The following SAMD9L variants were observed in gnomAD, a reference collection of about 807,000 sequenced individuals.
SAMD9L encodes sterile alpha motif domain-containing protein 9-like.
A neutral mutation model predicts 90.7 loss-of-function variants in SAMD9L; 68 were observed. The ratio of observed to expected loss-of-function variants is 0.75; its 90% CI spans 0.62 to 0.92. The LOEUF (loss-of-function observed/expected upper bound fraction) is 0.92. Ranked by LOEUF, SAMD9L falls within the 40% of genes least tolerant of loss-of-function variation. The pLI is 0.00. For synonymous variants in SAMD9L, 640 were observed against 630.1 expected (o/e 1.02, Z -0.23); for missense variants, 1,604 against 1,824.3 (o/e 0.88, Z 2.20).
Position 93,131,601 on chromosome 7 carries a change from T to C in SAMD9L, c.4371A>G (p.Arg1457=). 1.2e-6 allele frequency: 2 copies of C among 1,613,916 alleles called. No individual in the cohort carries two copies. The highest frequency in any genetic ancestry group is 1.3e-5 in the African/African-American group (1 of 75,022). ...TGCGCTTGTACTGTCCCCTGAAGGA[T>C]CTATTTAAGGATGAAACATACTTTT... is the stretch of plus-strand genomic sequence containing the variant. ...LIEKYVSSLN[R]SFRGQYKRMC... Residue 1457 remains arginine, a synonymous_variant, in exon 5 of 5, where the codon AGA becomes AGG. Coordinates refer to ENST00000318238, the MANE Select transcript of SAMD9L (RefSeq NM_152703.5).
Position 93,134,946 on chromosome 7 carries a change from A to G in SAMD9L, c.1026T>C (p.Phe342=), listed in dbSNP as rs1328810986. 5.0e-6 allele frequency: 8 copies of G among 1,613,670 alleles called. No homozygotes were observed. In the Admixed American group the frequency reaches 1.3e-4, roughly 27 times the overall value. The change falls in exon 5 of 5, where the codon TTT becomes TTC. Residue 342 remains phenylalanine, a synonymous_variant. Transcript: ENST00000318238. ...CCCTAGAGCTAGCCCCTTCTCTTAC[A>G]AACAGTGAAAGATTTTGGTTTTGTT... is the stretch of plus-strand genomic sequence containing the variant. ...IWKQNQNLSL[F]VREGASSRDI...
At chr7:93,142,797 T>C (rs920125711) in intron 4 of SAMD9L, among the ~76,000 whole-genome samples, 3 of 152,248 alleles carry the variant, frequency 2.0e-5, no homozygotes, top group African/African-American at 7.2e-5. Flanking sequence ...ACTGTCACCA[T>C]AGAGTGGCTC....
intron 4 of SAMD9L, among the ~76,000 whole-genome samples, chr7:93,136,955 A>G (rs1792479482): frequency 6.6e-6 from 1 of 152,230 alleles, no homozygotes; most frequent in Non-Finnish European, 1.5e-5. Flanking sequence ...CAGCATCAGC[A>G]TCACTTAGAA....
chr7:93,137,757 A>G (rs1328452023), intron 4 of SAMD9L, among the ~76,000 whole-genome samples: 10 of 100,198 alleles, frequency 1.0e-4, no homozygotes, highest in Admixed American at 3.2e-4. Flanking sequence ...TTTTTTTTTT[A>G]ATTTAATGTA....
intron 4 of SAMD9L, among the ~76,000 whole-genome samples, chr7:93,139,967 TATC>T (rs1167604427): frequency 1.3e-5 from 2 of 152,234 alleles, no homozygotes; most frequent in Non-Finnish European, 1.5e-5. Context: ...GATTATTCAT[TATC>T]ATGACTTATT....
chr7:93,132,711 G>A lies in SAMD9L; in HGVS notation c.3261C>T (p.Ala1087=), dbSNP rs779989461. ...CTTTAATGTAGAAATGTCTTGCTAA[G>A]GCTTGACAAATGAATGCATTTTGTG... is the stretch of plus-strand genomic sequence containing the variant. ...RFPQNAFICQ[A]LARHFYIKEK... The change falls in exon 5 of 5, where the codon GCC becomes GCT. Residue 1087 remains alanine (A), a synonymous_variant. Coordinates refer to ENST00000318238, the MANE Select transcript of SAMD9L (RefSeq NM_152703.5). The A allele has an allele frequency of 6.2e-7, 1 of 1,613,800 alleles. No homozygotes were observed. Among genetic ancestry groups the A allele is most frequent in the Non-Finnish European group, 8.5e-7 (1 of 1,179,802 alleles).
rs867327010 is a variant in SAMD9L at position 93,133,694 on chromosome 7, T to C, written c.2278A>G (p.Lys760Glu). 5.0e-6 allele frequency: 8 copies of C among 1,613,594 alleles called. No homozygotes were observed. In the Middle Eastern group the frequency reaches 8.3e-4, roughly 166 times the overall value. The change falls in exon 5 of 5, where the codon AAA becomes GAA. Residue 760 changes from lysine to glutamate, a missense_variant. Physicochemically the swap from Lys to Glu is moderately conservative, Grantham distance 56. Coordinates refer to ENST00000318238, the MANE Select transcript of SAMD9L (RefSeq NM_152703.5). The part of the protein sequence containing the change: ...LAMHVLWDLK[K>E]NFRCAVLKNK... ...TTTAACACAGCACATCTGAAGTTTTTCTTTAAGTCCCAGAGAACATGCATA... is the reference window on the plus strand; with the variant it reads ...TTTAACACAGCACATCTGAAGTTTTCCTTTAAGTCCCAGAGAACATGCATA...
chr7:93,133,722 C>T lies in SAMD9L; in HGVS notation c.2250G>A (p.Leu750=). 6.2e-7 allele frequency: 1 copy of T among 1,613,598 alleles called. No homozygotes were observed. The highest frequency in any genetic ancestry group is 8.5e-7 in the Non-Finnish European group (1 of 1,179,842). Residue 750 remains leucine (L), a synonymous_variant, in exon 5 of 5, where the codon CTG becomes CTA. Transcript: ENST00000318238. Reference sequence around the variant, plus strand: ...TTAAGTCCCAGAGAACATGCATAGCCAGTGTGGTACCTCCACAGCCTGGAT... The same window carrying T: ...TTAAGTCCCAGAGAACATGCATAGCTAGTGTGGTACCTCCACAGCCTGGAT... ...YHHPGCGGTT[L]AMHVLWDLKK... is the part of the protein sequence containing the mutation.
Position 93,133,520 on chromosome 7 carries a change from T to C in SAMD9L, c.2452A>G (p.Ile818Val). 6.2e-7 allele frequency: 1 copy of C among 1,613,550 alleles called. No homozygotes were observed. Among genetic ancestry groups the C allele is most frequent in the Non-Finnish European group, 8.5e-7 (1 of 1,179,764 alleles). ...QENVYFLQNA[I>V]HSVLAEKDLR... ...TCCTTTTCTGCTAAAACGGAATGGA[T>C]GGCATTTTGTAGAAAGTAGACATTT... is the stretch of plus-strand genomic sequence containing the variant. The change falls in exon 5 of 5, where the codon ATC becomes GTC. Residue 818 changes from isoleucine to valine, a missense_variant. Coordinates refer to ENST00000318238, the MANE Select transcript of SAMD9L (RefSeq NM_152703.5).
intron 4 of SAMD9L, among the ~76,000 whole-genome samples, chr7:93,139,632 C>CTATT (rs1792602763): frequency 6.6e-6 from 1 of 152,178 alleles, no homozygotes; most frequent in African/African-American, 2.4e-5. Flanking sequence ...CCCTCCCTGC[C>CTATT]AATAGCTTGA....
At chr7:93,140,150 G>C (rs368785783) in intron 4 of SAMD9L, among the ~76,000 whole-genome samples, 1 of 150,300 alleles carries the variant, frequency 6.7e-6, no homozygotes, top group Non-Finnish European at 1.5e-5. Flanking sequence ...TCTGCACCCT[G>C]ACTGGAGCAT....
chr7:93,139,838 A>C (rs1295859091), intron 4 of SAMD9L, among the ~76,000 whole-genome samples: 3 of 152,118 alleles, frequency 2.0e-5, no homozygotes, highest in Non-Finnish European at 4.4e-5. Context: ...TAGTGCTCAA[A>C]CACTAGTAAG....
In SAMD9L at chr7:93,134,855, G is replaced by A. The variant is rs1315534928; in HGVS notation, c.1117C>T (p.Leu373=). ...TCAGCCTCTTTTCTAGATGCTACCAGTGACTTTAAATTTTGTAAAAATGCC... is the reference window on the plus strand; with the variant it reads ...TCAGCCTCTTTTCTAGATGCTACCAATGACTTTAAATTTTGTAAAAATGCC... The part of the protein sequence containing the change: ...FKAFLQNLKS[L]VASRKEAEEE... Residue 373 remains leucine, a synonymous_variant, in exon 5 of 5, where the codon CTG becomes TTG. Coordinates refer to ENST00000318238, the MANE Select transcript of SAMD9L (RefSeq NM_152703.5). 8.1e-6 allele frequency: 13 copies of A among 1,613,882 alleles called. No individual in the cohort carries two copies. Among genetic ancestry groups the A allele is most frequent in the Non-Finnish European group, 1.1e-5 (13 of 1,179,922 alleles).
rs1200042582 is a variant in SAMD9L, at chr7:93,130,587, T to C, written c.*630A>G. 6.6e-6 allele frequency: 1 copy of C among 152,120 alleles called. No individual in the cohort carries two copies. Among genetic ancestry groups the C allele is most frequent in the Non-Finnish European group, 1.5e-5 (1 of 68,106 alleles). 9.4% of individuals were successfully genotyped at this position (152,120 alleles called of 1,614,324 possible). On this transcript the variant is annotated 3_prime_UTR_variant, in exon 5 of 5. Transcript: ENST00000318238. ...CAAGAGAATGGAGAGAGTTCAAGTT[T>C]ATGATTACTTTATTTTTTGAACTCT...
chr7:93,136,194 T>C (rs1388938460), intron 4 of SAMD9L, among the ~76,000 whole-genome samples: 2 of 152,164 alleles, frequency 1.3e-5, no homozygotes, highest in Non-Finnish European at 2.9e-5. Context: ...TGACTCTAAT[T>C]GTAATTATGA....
chr7:93,146,560 C>A (rs937433460), intron 2 of SAMD9L, among the ~76,000 whole-genome samples: 4 of 152,148 alleles, frequency 2.6e-5, no homozygotes, highest in Non-Finnish European at 5.9e-5. Context: ...AGCTTCTTAA[C>A]AAAAATCTGT....
Position 93,133,548 on chromosome 7 carries a change from T to G in SAMD9L, c.2424A>C (p.Gln808His). Residue 808 changes from glutamine to histidine, a missense_variant, in exon 5 of 5, where the codon CAA becomes CAC. Gln to His is a conservative substitution (Grantham distance 24). Around this residue, in one of 7 missense-constraint regions of SAMD9L, gnomAD observed 606 missense variants for 717.6 expected, o/e 0.84. Transcript: ENST00000318238. ...CATTTTGTAGAAAGTAGACATTTTCTTGTTCTTCAAAATCATCCACAAGGA... is the reference window on the plus strand; with the variant it reads ...CATTTTGTAGAAAGTAGACATTTTCGTGTTCTTCAAAATCATCCACAAGGA... Reference protein sequence around the residue: ...VLLLVDDFEEQENVYFLQNAI... With the variant: ...VLLLVDDFEEHENVYFLQNAI... 1.2e-6 allele frequency: 2 copies of G among 1,613,820 alleles called. No homozygotes were observed. The highest frequency in any genetic ancestry group is 4.5e-5 in the East Asian group (2 of 44,872).
intron 2 of SAMD9L, among the ~76,000 whole-genome samples, chr7:93,146,333 G>A (rs1047528415): frequency 1.3e-5 from 2 of 152,140 alleles, no homozygotes; most frequent in African/African-American, 4.8e-5. Context: ...TTCTCAGCAA[G>A]GCACTGTTTG....
intron 4 of SAMD9L, among the ~76,000 whole-genome samples, chr7:93,140,230 A>G (rs1280654274): frequency 2.1e-5 from 3 of 145,956 alleles, no homozygotes; most frequent in Admixed American, 6.8e-5. Flanking sequence ...TGACTGGAGC[A>G]TGCTGAACAA....
Sources: allele counts gnomAD v4.1 joint callset (sites outside exome capture counted in the v4.1 genomes callset), GRCh38; gene constraint gnomAD v4.1.1; regional missense constraint gnomAD v4.1.1; transcripts MANE v1.5; gene names NCBI Gene and HGNC (gene_info 2026-07-23, HGNC 2026-07-21).